Variants in IL1RAP observed in about 807,000 individuals in gnomAD.
The protein encoded by IL1RAP is interleukin 1 receptor accessory protein, also known as interleukin-1 receptor accessory protein.
Under a neutral mutation model 60.7 loss-of-function variants are expected in IL1RAP, and 35 were observed. The ratio of observed to expected loss-of-function variants is 0.58; its 90% CI spans 0.44 to 0.76. The LOEUF (loss-of-function observed/expected upper bound fraction) is 0.76. IL1RAP is among the 30% of genes least tolerant of loss of function. IL1RAP has a pLI of 0.00. For missense variants in IL1RAP, 572 were observed against 693.9 expected, an observed-to-expected ratio of 0.82 and a Z score of 1.97; for synonymous variants, 268 against 250.9, an observed-to-expected ratio of 1.07 and a Z score of -0.64.
At chr3:190,586,112 C>CTCTTCTGTGAA in intron 3 of IL1RAP, among the ~76,000 whole-genome samples, 1 of 152,106 alleles carries the variant, frequency 6.6e-6, no homozygotes, top group East Asian at 1.9e-4. Context: ...GTGAAGGCAC[C>CTCTTCTGTGAA]GATGAGTGTC....
At chr3:190,601,264 G>T (rs1309716615) in intron 3 of IL1RAP, among the ~76,000 whole-genome samples, 1 of 152,182 alleles carries the variant, frequency 6.6e-6, no homozygotes, top group East Asian at 1.9e-4. Flanking sequence ...AATTACAGGC[G>T]TGAGCCACCA....
Position 190,620,264 on chromosome 3 carries a change from AC to A in IL1RAP, c.538-10del. ...TAAAAAGTAAACTTTTTTTTTTTTT[AC>A]TTTTTCTAGGGCTGTTATAAAATAC... On this transcript the variant is annotated splice_polypyrimidine_tract_variant and intron_variant, in intron 5 of 11. Coordinates refer to ENST00000447382, the MANE Select transcript of IL1RAP (RefSeq NM_002182.4). The A allele has an allele frequency of 5.0e-6, 6 of 1,191,850 alleles. No individual in the cohort carries two copies. The highest frequency in any genetic ancestry group is 3.4e-6 in the Non-Finnish European group (3 of 887,712). 73.8% of individuals were successfully genotyped at this position (1,191,850 alleles called of 1,614,324 possible).
intron 1 of IL1RAP, among the ~76,000 whole-genome samples, chr3:190,530,463 A>G (rs1340204681): frequency 1.3e-5 from 2 of 152,228 alleles, no homozygotes; most frequent in Non-Finnish European, 2.9e-5. Context: ...GAGGTGACCC[A>G]GAGTCATCAT....
chr3:190,518,226 A>C (rs1430609557), intron 1 of IL1RAP, among the ~76,000 whole-genome samples: 3 of 152,114 alleles, frequency 2.0e-5, no homozygotes, highest in Admixed American at 6.6e-5. Flanking sequence ...GAGGCAAGTT[A>C]TTCTATAGAG....
intron 3 of IL1RAP, chr3:190,564,658 A>G (rs139622031): frequency 7.7e-5 from 24 of 311,536 alleles, no homozygotes; most frequent in African/African-American, 4.2e-4. Flanking sequence ...CTCAGGTCCT[A>G]TGGGGGAAAA....
At chr3:190,555,805 T>G (rs1725363762) in intron 1 of IL1RAP, 1 of 152,206 alleles carries the variant, frequency 6.6e-6, no homozygotes, top group Non-Finnish European at 1.5e-5. Flanking sequence ...TTAAAAGTAG[T>G]GTTTGACCAT....
chr3:190,633,150 T>C (rs141375837), intron 9 of IL1RAP, among the ~76,000 whole-genome samples: 1 of 152,344 alleles, frequency 6.6e-6, no homozygotes, highest in East Asian at 1.9e-4. Flanking sequence ...ATATTTTGAT[T>C]GTATTTAATT....
At chr3:190,559,055 T>C (rs188235166) in intron 2 of IL1RAP, among the ~76,000 whole-genome samples, 2 of 152,344 alleles carry the variant, frequency 1.3e-5, no homozygotes, top group Non-Finnish European at 2.9e-5. Flanking sequence ...TGAATATATT[T>C]CTATTCCTTT....
intron 3 of IL1RAP, among the ~76,000 whole-genome samples, chr3:190,579,041 G>C (rs1727753492): frequency 6.6e-6 from 1 of 152,178 alleles, no homozygotes; most frequent in Non-Finnish European, 1.5e-5. Context: ...TATACACCCT[G>C]ATTCTTACCA....
chr3:190,522,304 TC>T (rs1245192786), intron 1 of IL1RAP, among the ~76,000 whole-genome samples: 25 of 100,700 alleles, frequency 2.5e-4, no homozygotes, highest in African/African-American at 2.0e-3. Context: ...CTTCCTTCCT[TC>T]CTTCCTTCCT....
In IL1RAP at chr3:190,648,634, G is replaced by A; in HGVS notation, c.1642G>A (p.Val548Met). Residue 548 changes from valine to methionine, a missense_variant, in exon 12 of 12, where the codon GTG (valine) becomes ATG (methionine). Val to Met is a conservative substitution (Grantham distance 21). Transcript: ENST00000447382. ...GAAGCAGCTGCAGGTGGCCATGCCA[G>A]TGAAGAAAAGTCCCAGGCGGTCTAG... ...FWKQLQVAMP[V>M]KKSPRRSSSD... 1 of 1,614,184 alleles carries A rather than the reference G, an allele frequency of 6.2e-7. No individual in the cohort carries two copies.
chr3:190,544,447 G>C (rs1724202923), intron 1 of IL1RAP, among the ~76,000 whole-genome samples: 1 of 152,148 alleles, frequency 6.6e-6, no homozygotes, highest in South Asian at 2.1e-4. Context: ...CTTGCCACAG[G>C]AGTGGTTTAG....
chr3:190,641,436 A>C lies in IL1RAP; in HGVS notation c.1052-2812A>C, dbSNP rs74640911. 5.1e-3 allele frequency among the ~76,000 whole-genome samples: 774 copies of C among 152,352 alleles called. 7 individuals carry two copies. Among genetic ancestry groups the C allele is most frequent in the African/African-American group, 0.018 (752 of 41,578 alleles). The stretch of plus-strand genomic sequence containing the variant: ...TAGAGAACCTCTTGCATGTGACTTA[A>C]GCTATTTAGAAAATCCAGCTAGTAG... On this transcript the variant is annotated intron_variant, in intron 9 of 11. Coordinates refer to ENST00000447382, the MANE Select transcript of IL1RAP (RefSeq NM_002182.4).
At chr3:190,562,715 C>T in intron 2 of IL1RAP, among the ~76,000 whole-genome samples, 1 of 151,412 alleles carries the variant, frequency 6.6e-6, no homozygotes. Flanking sequence ...CACACACACA[C>T]ACACACACAC....
Position 190,635,294 on chromosome 3 carries a change from T to C in IL1RAP, c.1051+5796T>C, listed in dbSNP as rs1001143908. Reference sequence around the variant, plus strand: ...CAGTCAAGATAAGGGTTTCTCAATTTTGCTAATTTTTTCAATGAACATATT... The same window carrying C: ...CAGTCAAGATAAGGGTTTCTCAATTCTGCTAATTTTTTCAATGAACATATT... On this transcript the variant is annotated intron_variant, in intron 9 of 11. Coordinates refer to ENST00000447382, the MANE Select transcript of IL1RAP (RefSeq NM_002182.4). Among the ~76,000 whole-genome samples the C allele has an allele frequency of 6.6e-5, 10 of 152,256 alleles. No individual in the cohort carries two copies. In the South Asian group the frequency reaches 2.1e-3, roughly 32 times the overall value.
chr3:190,564,134 C>A, intron 2 of IL1RAP, 155 bp from the exon 3 acceptor site: 1 of 578,998 alleles, frequency 1.7e-6, no homozygotes, highest in African/African-American at 1.9e-5. Flanking sequence ...TAAAACCTGT[C>A]TTATTGGTTG....
At chr3:190,623,456 T>A in intron 7 of IL1RAP, 41 bp downstream of exon 7, 1 of 1,309,516 alleles carries the variant, frequency 7.6e-7, no homozygotes, top group Non-Finnish European at 1.1e-6. Flanking sequence ...TAGATTCTCT[T>A]AATTACAAGG....
Position 190,649,207 on chromosome 3 carries a change from A to G in IL1RAP, c.*502A>G, listed in dbSNP as rs1577831713. 5 of 986,498 alleles carry G rather than the reference A, an allele frequency of 5.1e-6. No individual in the cohort carries two copies. The Admixed American group carries it at 3.0e-4, about 60-fold the overall frequency. The allele number at this position is 986,498 out of a possible 1,614,324, so 61.1% of individuals were successfully genotyped here. A position where few individuals can be genotyped will look rare whatever the true frequency, so the allele number is the denominator to read the frequency against. On this transcript the variant is annotated 3_prime_UTR_variant, in exon 12 of 12. Coordinates refer to ENST00000447382, the MANE Select transcript of IL1RAP (RefSeq NM_002182.4). ...ACTTTTTTCCTCATTCGGCTGTATA[A>G]TACATAACCACAGCAAGACTGACAT...
At chr3:190,538,741 G>T (rs1348812466) in intron 1 of IL1RAP, among the ~76,000 whole-genome samples, 1 of 152,022 alleles carries the variant, frequency 6.6e-6, no homozygotes, top group Admixed American at 6.6e-5. Context: ...ATCCCTATGT[G>T]TCATGGGAGG....
Sources: gnomAD v4.1 joint callset for allele counts (sites outside exome capture counted in the v4.1 genomes callset) on GRCh38, gnomAD v4.1.1 for gene constraint, MANE v1.5 for transcripts, NCBI Gene and HGNC (gene_info 2026-07-23, HGNC 2026-07-21) for gene names.